Variants in CLRN3 observed in about 807,000 individuals in gnomAD.
CLRN3 encodes the protein clarin 3.
Under a neutral mutation model 16.7 loss-of-function variants are expected in CLRN3, and 12 were observed. That is an observed-to-expected ratio of 0.72 (90% CI 0.46 to 1.16). The LOEUF (loss-of-function observed/expected upper bound fraction) is 1.16. Among genes scored for constraint, CLRN3 ranks in the 50% most tolerant of loss-of-function variants. CLRN3 has a pLI of 0.00. For synonymous variants in CLRN3, 118 were observed against 113.0 expected (o/e 1.04, Z -0.28); for missense variants, 296 against 274.2 (o/e 1.08, Z -0.56).
chr10:127,879,947 C>T (rs537410086), intron 2 of CLRN3, among the ~76,000 whole-genome samples: 6 of 152,192 alleles, frequency 3.9e-5, no homozygotes, highest in Middle Eastern at 3.4e-3. Context: ...GCCATGTACC[C>T]GGAACTCAGT....
chr10:127,887,990 C>T (rs373752331), intron 1 of CLRN3, among the ~76,000 whole-genome samples: 3 of 152,182 alleles, frequency 2.0e-5, no homozygotes, highest in Non-Finnish European at 2.9e-5. Flanking sequence ...GGATAATGGG[C>T]GCCCATGAGA....
chr10:127,891,487 G>A (rs928605513), intron 1 of CLRN3, among the ~76,000 whole-genome samples: 19 of 152,184 alleles, frequency 1.2e-4, no homozygotes, highest in African/African-American at 4.6e-4. Flanking sequence ...CCATCCTTAT[G>A]GGAAGCTGAG....
intron 1 of CLRN3, among the ~76,000 whole-genome samples, chr10:127,885,841 C>T (rs924407046): frequency 1.3e-5 from 2 of 151,860 alleles, no homozygotes; most frequent in African/African-American, 4.8e-5. Context: ...CCCCAACCTC[C>T]GCCTCCCGGG....
At chr10:127,890,229 A>C (rs1845243631) in intron 1 of CLRN3, among the ~76,000 whole-genome samples, 1 of 152,200 alleles carries the variant, frequency 6.6e-6, no homozygotes, top group Non-Finnish European at 1.5e-5. Flanking sequence ...GGAGTAGCAA[A>C]GACAACCTGC....
intron 2 of CLRN3, among the ~76,000 whole-genome samples, chr10:127,879,973 C>G (rs1845108561): frequency 6.6e-6 from 1 of 152,126 alleles, no homozygotes; most frequent in Non-Finnish European, 1.5e-5. Context: ...TCAAATGTAT[C>G]CTGCTATAAC....
Position 127,892,448 on chromosome 10 carries a change from C to T in CLRN3, c.229+108G>A, listed in dbSNP as rs1845267538. Reference sequence around the variant, plus strand: ...TTAAGCTTGTACCTTCAGCCTAACCCAAAACTTACAAAGAAATTATTTTTG... The same window carrying T: ...TTAAGCTTGTACCTTCAGCCTAACCTAAAACTTACAAAGAAATTATTTTTG... On this transcript the variant is annotated intron_variant, in intron 1 of 2. Transcript: ENST00000368671. 5.6e-6 allele frequency: 4 copies of T among 718,916 alleles called. No individual in the cohort carries two copies. In the Admixed American group the frequency reaches 9.6e-5, roughly 17 times the overall value. The allele number at this position is 718,916 out of a possible 1,614,324, so 44.5% of individuals were successfully genotyped here.
intron 1 of CLRN3, among the ~76,000 whole-genome samples, chr10:127,889,838 A>G (rs1845239162): frequency 6.6e-6 from 1 of 152,130 alleles, no homozygotes; most frequent in Non-Finnish European, 1.5e-5. Context: ...CCCTGACCAC[A>G]TTTTCAAAAC....
At chr10:127,891,718 C>T (rs2135087900) in intron 1 of CLRN3, among the ~76,000 whole-genome samples, 1 of 152,320 alleles carries the variant, frequency 6.6e-6, no homozygotes, top group African/African-American at 2.4e-5. Context: ...AAGGACTAAA[C>T]ATTACATGTG....
chr10:127,885,067 C>T (rs752165805), intron 1 of CLRN3, among the ~76,000 whole-genome samples: 1 of 152,208 alleles, frequency 6.6e-6, no homozygotes, highest in Non-Finnish European at 1.5e-5. Context: ...GGAGCCCTCA[C>T]CTCTTTATCT....
At chr10:127,888,630 T>C (rs577967135) in intron 1 of CLRN3, among the ~76,000 whole-genome samples, 13 of 152,116 alleles carry the variant, frequency 8.5e-5, no homozygotes, top group African/African-American at 3.1e-4. Flanking sequence ...GACTAGCGGG[T>C]GGGGGAGTGC....
chr10:127,880,340 G>A (rs894279429), intron 2 of CLRN3, among the ~76,000 whole-genome samples: 29 of 152,122 alleles, frequency 1.9e-4, no homozygotes, highest in African/African-American at 4.8e-5. Flanking sequence ...GTCCCCTTTA[G>A]TGATGAGATG....
chr10:127,883,623 G>A lies in CLRN3; in HGVS notation c.409+73C>T. 3.8e-6 allele frequency: 4 copies of A among 1,063,730 alleles called. No homozygotes were observed. In the South Asian group the frequency reaches 5.0e-5, roughly 13 times the overall value. The allele number at this position is 1,063,730 out of a possible 1,614,324, so 65.9% of individuals were successfully genotyped here. A position where few individuals can be genotyped will look rare whatever the true frequency, so the allele number is the denominator to read the frequency against. On this transcript the variant is annotated intron_variant, in intron 2 of 2. Transcript: ENST00000368671. ...CGTGACTGTGTATGTTCATGCATGT[G>A]TGAGAGGCAGAGACATGGGGACAAG...
chr10:127,890,124 C>T (rs1160002484), intron 1 of CLRN3, among the ~76,000 whole-genome samples: 1 of 152,224 alleles, frequency 6.6e-6, no homozygotes, highest in Non-Finnish European at 1.5e-5. Flanking sequence ...GGCCAGGAAC[C>T]ATGTGCAATT....
Position 127,878,269 on chromosome 10 carries a change from G to A in CLRN3, c.561C>T (p.Val187=). ...YGYSFWLILL[V]ILLNIVTVTI... ...TTACAGTGACTATATTTAGAAGAAT[G>A]ACGAGCAGTATGAGCCAGAACGAGT... The change falls in exon 3 of 3, where the codon GTC becomes GTT. Residue 187 remains valine (V), a synonymous_variant. Coordinates refer to ENST00000368671, the MANE Select transcript of CLRN3 (RefSeq NM_152311.5). The A allele has an allele frequency of 6.2e-7, 1 of 1,614,232 alleles. No individual in the cohort carries two copies. Among genetic ancestry groups the A allele is most frequent in the Non-Finnish European group, 8.5e-7 (1 of 1,180,050 alleles).
At chr10:127,886,072 T>C (rs7906703) in intron 1 of CLRN3, among the ~76,000 whole-genome samples, 74,572 of 151,932 alleles carry the variant, frequency 0.49, 18,782 homozygotes, top group African/African-American at 0.56. Context: ...AAATGTTCCA[T>C]AGGGACAGGA....
chr10:127,887,060 A>G (rs891615868), intron 1 of CLRN3, among the ~76,000 whole-genome samples: 3 of 152,050 alleles, frequency 2.0e-5, no homozygotes, highest in Non-Finnish European at 2.9e-5. Context: ...GCCTCTGCCT[A>G]TTGCTCGCTG....
intron 1 of CLRN3, among the ~76,000 whole-genome samples, chr10:127,890,296 A>T (rs538918383): frequency 6.6e-6 from 1 of 152,312 alleles, no homozygotes; most frequent in Admixed American, 6.5e-5. Context: ...ACAAACTAGG[A>T]TGCAGCAAGT....
intron 1 of CLRN3, among the ~76,000 whole-genome samples, chr10:127,888,190 AG>A (rs2135084786): frequency 6.6e-6 from 1 of 152,340 alleles, no homozygotes; most frequent in South Asian, 2.1e-4. Flanking sequence ...GAGCCTGAAC[AG>A]GGCAGCTCCC....
rs931485240 is a variant in CLRN3, at chr10:127,877,932, T to C, written c.*217A>G. On this transcript the variant is annotated 3_prime_UTR_variant, in exon 3 of 3. Transcript: ENST00000368671. ...CTCATCATGATACTACTGCTTTGAA[T>C]ACCACACAGACCAGCGACATTTCCC... The C allele has an allele frequency of 8.8e-6, 5 of 565,678 alleles. No individual in the cohort carries two copies. The highest frequency in any genetic ancestry group is 9.7e-4 in the Middle Eastern group (2 of 2,060). The allele number at this position is 565,678 out of a possible 1,614,324, so 35.0% of individuals were successfully genotyped here.
Sources: gnomAD v4.1 joint callset for allele counts (sites outside exome capture counted in the v4.1 genomes callset) on GRCh38, gnomAD v4.1.1 for gene constraint, MANE v1.5 for transcripts, NCBI Gene and HGNC (gene_info 2026-07-23, HGNC 2026-07-21) for gene names.